Variants in SERPINB8 observed in about 807,000 individuals in gnomAD.
The protein encoded by SERPINB8 is serpin B8.
Under a neutral mutation model 35.3 loss-of-function variants are expected in SERPINB8, and 25 were observed. That is an observed-to-expected ratio of 0.71 (90% CI 0.52 to 0.99). The LOEUF is 0.99. Among genes scored for constraint, SERPINB8 ranks in the 50% least tolerant of loss-of-function variants. The pLI, the probability that SERPINB8 is intolerant of heterozygous loss-of-function variation, is 0.00. For synonymous variants in SERPINB8, 186 were observed against 160.8 expected, an observed-to-expected ratio of 1.16 and a Z score of -1.19; for missense variants, 484 against 446.5, an observed-to-expected ratio of 1.08 and a Z score of -0.76.
chr18:64,015,613 C>G (rs927720299), intron 7 of SERPINB8, among the ~76,000 whole-genome samples: 8 of 152,158 alleles, frequency 5.3e-5, no homozygotes, highest in African/African-American at 1.9e-4. Flanking sequence ...TATGTCGATA[C>G]CTTTTTCATT....
chr18:63,994,410 A>C (rs1369007819), intron 1 of SERPINB8, among the ~76,000 whole-genome samples: 3 of 152,062 alleles, frequency 2.0e-5, no homozygotes, highest in African/African-American at 7.2e-5. Context: ...TTTTGGAAAA[A>C]CAAAAAGCCT....
At chr18:64,006,170 G>A (rs537898293), downstream of SERPINB8, among the ~76,000 whole-genome samples, 18 of 152,250 alleles carry the variant, frequency 1.2e-4, no homozygotes, top group East Asian at 1.9e-4. Flanking sequence ...TCTGGATTCC[G>A]TGAGTGCTGG....
At chr18:63,986,560 T>C (rs1197448610) in intron 6 of SERPINB8, 1 of 1,318,356 alleles carries the variant, frequency 7.6e-7, no homozygotes, top group Non-Finnish European at 9.6e-7. Flanking sequence ...ATGTAATGAA[T>C]TGGTTAGAAT....
At chr18:64,014,038 T>C (rs1342837945) in intron 7 of SERPINB8, among the ~76,000 whole-genome samples, 2 of 152,156 alleles carry the variant, frequency 1.3e-5, no homozygotes, top group East Asian at 1.9e-4. Context: ...ATTTGCAGTG[T>C]CTAAAGGTAA....
At chr18:63,979,704 C>T in intron 2 of SERPINB8, 97 bp from the exon 3 acceptor site, 2 of 1,434,624 alleles carry the variant, frequency 1.4e-6, no homozygotes, top group East Asian at 2.3e-5. Flanking sequence ...AAAGTAGGAT[C>T]CTGTGTGGTT....
Position 63,981,276 on chromosome 18 carries a change from C to T in SERPINB8, c.307-445C>T, listed in dbSNP as rs143265057. Among the ~76,000 whole-genome samples the T allele has an allele frequency of 2.8e-3, 420 of 152,338 alleles. 2 individuals are homozygous for T. The highest frequency in any genetic ancestry group is 0.024 in the Middle Eastern group (7 of 294). On this transcript the variant is annotated intron_variant, in intron 3 of 6. Coordinates refer to ENST00000397985, the MANE Select transcript of SERPINB8 (RefSeq NM_002640.4). ...CTATTTCCTTCTTTGCAGTTCAACA[C>T]GATTTCTTAACAATCTAGTTCCCTT... is the stretch of plus-strand genomic sequence containing the variant.
At chr18:64,015,759 G>A (rs890575291) in intron 7 of SERPINB8, among the ~76,000 whole-genome samples, 9 of 152,116 alleles carry the variant, frequency 5.9e-5, no homozygotes, top group Non-Finnish European at 1.3e-4. Flanking sequence ...ATTTTCCAGC[G>A]ACACTTCTTT....
chr18:64,018,690 C>A (rs910963194), intron 7 of SERPINB8, among the ~76,000 whole-genome samples: 2 of 152,074 alleles, frequency 1.3e-5, no homozygotes, highest in African/African-American at 4.8e-5. Flanking sequence ...TCAGAGAAAC[C>A]ATTGGAAACA....
Position 63,970,130 on chromosome 18 carries a change from A to ATCGGCG in SERPINB8, c.-51_-50insTCGGCG. 1 of 343,938 alleles carries ATCGGCG rather than the reference A, an allele frequency of 2.9e-6. No individual in the cohort carries two copies. Among genetic ancestry groups the ATCGGCG allele is most frequent in the Admixed American group, 3.6e-5 (1 of 27,634 alleles). 21.3% of individuals were successfully genotyped at this position (343,938 alleles called of 1,614,324 possible). On this transcript the variant is annotated 5_prime_UTR_variant, in exon 1 of 7. Coordinates refer to ENST00000397985, the MANE Select transcript of SERPINB8 (RefSeq NM_002640.4). ...ACAAAGGAGGAATAGTCAAAGCAGCAGCGGCGGCGGCGGCGGCGGCAGCAG... is the reference window on the plus strand; with the variant it reads ...ACAAAGGAGGAATAGTCAAAGCAGCATCGGCGGCGGCGGCGGCGGCGGCGGCAGCAG...
At chr18:64,002,709 G>C (rs1490991161) in intron 1 of SERPINB8, among the ~76,000 whole-genome samples, 1 of 151,990 alleles carries the variant, frequency 6.6e-6, no homozygotes, top group East Asian at 1.9e-4. Flanking sequence ...GGGAGGGCGG[G>C]TGCTGGGGAA....
chr18:64,016,232 T>C (rs1004382211), intron 7 of SERPINB8, among the ~76,000 whole-genome samples: 1 of 152,218 alleles, frequency 6.6e-6, no homozygotes, highest in Non-Finnish European at 1.5e-5. Flanking sequence ...ATGGTTCACA[T>C]GGTTTTCAGC....
downstream of SERPINB8, among the ~76,000 whole-genome samples, chr18:64,009,484 A>T (rs1443916833): frequency 6.6e-6 from 1 of 152,250 alleles, no homozygotes. Context: ...GTACACAGGG[A>T]TAGACAAACA....
chr18:63,970,961 C>G (rs78551681), intron 1 of SERPINB8, among the ~76,000 whole-genome samples: 5,396 of 152,252 alleles, frequency 0.035, 322 homozygotes, highest in African/African-American at 0.12. Context: ...CAGACACTCT[C>G]AGTCCTCTGG....
chr18:63,996,468 A>T (rs1239870054), intron 1 of SERPINB8, among the ~76,000 whole-genome samples: 1 of 152,210 alleles, frequency 6.6e-6, no homozygotes, highest in Non-Finnish European at 1.5e-5. Flanking sequence ...CACACGGAGA[A>T]GTCCAGGATC....
chr18:64,001,457 TTTTC>T (rs2050873956), intron 1 of SERPINB8, among the ~76,000 whole-genome samples: 1 of 131,158 alleles, frequency 7.6e-6, no homozygotes, highest in Admixed American at 8.7e-5. Context: ...CTTTCTTTTC[TTTTC>T]TGTTTGTTTG....
intron 2 of SERPINB8, 23 bp from the exon 3 acceptor site, chr18:63,979,778 T>A: frequency 6.2e-7 from 1 of 1,613,700 alleles, no homozygotes; most frequent in Non-Finnish European, 8.5e-7. Flanking sequence ...GCGTTAAAAG[T>A]CAGTGTTGGT....
intron 1 of SERPINB8, among the ~76,000 whole-genome samples, chr18:64,003,339 G>A (rs1175126244): frequency 6.6e-6 from 1 of 152,168 alleles, no homozygotes; most frequent in Non-Finnish European, 1.5e-5. Flanking sequence ...GTGGGAAAGA[G>A]TGAAGTGGGG....
chr18:63,978,623 G>A (rs2050621782), intron 2 of SERPINB8, 147 bp downstream of exon 2: 3 of 793,906 alleles, frequency 3.8e-6, no homozygotes, highest in Non-Finnish European at 4.0e-6. Context: ...GAGCAGAAAG[G>A]GGTAGAAAGG....
intron 5 of SERPINB8, among the ~76,000 whole-genome samples, chr18:63,984,884 T>TA (rs886765070): frequency 2.4e-4 from 36 of 152,074 alleles, no homozygotes; most frequent in African/African-American, 7.2e-4. Context: ...CAAACTGTTT[T>TA]TTTTTTCTCA....
Sources: gnomAD v4.1 joint callset for allele counts (sites outside exome capture counted in the v4.1 genomes callset) on GRCh38, gnomAD v4.1.1 for gene constraint, MANE v1.5 for transcripts, NCBI Gene and HGNC (gene_info 2026-07-23, HGNC 2026-07-21) for gene names.